SMG6: variants seen among roughly 807,000 people sequenced by gnomAD.
SMG6 encodes telomerase-binding protein EST1A.
Under a neutral mutation model 142.2 loss-of-function variants are expected in SMG6, and 66 were observed. The ratio of observed to expected loss-of-function variants is 0.46; its 90% CI spans 0.38 to 0.57. The LOEUF (loss-of-function observed/expected upper bound fraction) is 0.57, where lower values mean the gene tolerates loss of function less well. SMG6 is among the 20% of genes least tolerant of loss of function. The probability of loss-of-function intolerance (pLI) is 0.00; values close to 1 mark genes in which losing one functional copy is unlikely to be tolerated. For missense variants in SMG6, 1,793 were observed against 1,832.0 expected (o/e 0.98, Z 0.39); for synonymous variants, 779 against 702.4 (o/e 1.11, Z -1.72).
In SMG6 at chr17:2,085,944, A is replaced by C; in HGVS notation, c.3358-43T>G. On this transcript the variant is annotated intron_variant, in intron 13 of 18. Coordinates refer to ENST00000263073, the MANE Select transcript of SMG6 (RefSeq NM_017575.5). This position sits in a 1 kb window ranked among gnomAD's most constrained non-coding sequence, Gnocchi z 4.1. ...GAGAAGAAAAACAGCATTTTCTGAA[A>C]GGGAAGATGGAGACGAGATGTTGCT... 6.3e-7 allele frequency: 1 copy of C among 1,595,826 alleles called. No individual in the cohort carries two copies. Among genetic ancestry groups the C allele is most frequent in the Non-Finnish European group, 8.6e-7 (1 of 1,164,326 alleles).
chr17:2,079,478 C>CA (rs66730682), intron 15 of SMG6, among the ~76,000 whole-genome samples: 1 of 151,304 alleles, frequency 6.6e-6, no homozygotes, highest in Non-Finnish European at 1.5e-5. Context: ...ACGAAAAATA[C>CA]AAAAAAAATT....
At chr17:2,086,028 G>A (rs2068551903) in intron 13 of SMG6, 127 bp from the exon 14 acceptor site, 1 of 949,632 alleles carries the variant, frequency 1.1e-6, no homozygotes, top group Non-Finnish European at 1.7e-6. Flanking sequence ...GGGTCAGAAT[G>A]AATGACGGGG....
chr17:2,223,337 G>T (rs547059542), intron 10 of SMG6, among the ~76,000 whole-genome samples: 7 of 152,166 alleles, frequency 4.6e-5, no homozygotes, highest in Admixed American at 1.3e-4. Context: ...GATCACACGC[G>T]CATATTTTCT....
At chr17:2,248,299 G>C (rs1731887187) in intron 8 of SMG6, among the ~76,000 whole-genome samples, 1 of 152,022 alleles carries the variant, frequency 6.6e-6, no homozygotes, top group Admixed American at 6.6e-5. Context: ...AAAAGAACTG[G>C]TGAGCTGATT....
At chr17:2,248,331 A>G (rs879559534) in intron 8 of SMG6, among the ~76,000 whole-genome samples, 12 of 152,154 alleles carry the variant, frequency 7.9e-5, no homozygotes, top group Admixed American at 6.5e-5. Context: ...TAACGAGGGA[A>G]TAAGAGCAAC....
At chr17:2,065,715 G>A (rs1160694189) in intron 16 of SMG6, 36 bp from the exon 17 acceptor site, 1 of 1,558,972 alleles carries the variant, frequency 6.4e-7, no homozygotes, top group East Asian at 2.3e-5. Flanking sequence ...ATCAGCCTCA[G>A]CAATCAGCTT....
intron 12 of SMG6, among the ~76,000 whole-genome samples, chr17:2,178,137 CTGTT>C (rs2071701642): frequency 6.6e-6 from 1 of 152,216 alleles, no homozygotes. Flanking sequence ...CATGCCAACT[CTGTT>C]TGCATTGGGC....
intron 13 of SMG6, among the ~76,000 whole-genome samples, chr17:2,167,795 G>A (rs2071386926): frequency 6.6e-6 from 1 of 152,210 alleles, no homozygotes; most frequent in Non-Finnish European, 1.5e-5. Context: ...TGCCACTGAT[G>A]AGCACTGGAG....
chr17:2,113,790 TCATGAAA>T (rs1376394608), intron 13 of SMG6, among the ~76,000 whole-genome samples: 1 of 152,164 alleles, frequency 6.6e-6, no homozygotes, highest in Non-Finnish European at 1.5e-5. Flanking sequence ...AGGAGCATCT[TCATGAAA>T]TCACTAAATT....
intron 13 of SMG6, among the ~76,000 whole-genome samples, chr17:2,094,077 G>A (rs1162462950): frequency 6.6e-6 from 1 of 152,174 alleles, no homozygotes; most frequent in Non-Finnish European, 1.5e-5. Context: ...AATCTAGAGA[G>A]GCTCCAAGGT....
Position 2,167,131 on chromosome 17 carries a change from C to CAAAAA in SMG6, c.3357+5522_3357+5526dup, listed in dbSNP as rs57898779. 2.4e-3 allele frequency among the ~76,000 whole-genome samples: 85 copies of CAAAAA among 35,706 alleles called. 11 individuals are homozygous for CAAAAA. Among genetic ancestry groups the CAAAAA allele is most frequent in the African/African-American group, 0.011 (72 of 6,454 alleles). The allele number at this position is 35,706 out of a possible 152,430, so 23.4% of individuals were successfully genotyped here. A position where few individuals can be genotyped will look rare whatever the true frequency, so the allele number is the denominator to read the frequency against. On this transcript the variant is annotated intron_variant, in intron 13 of 18. Transcript: ENST00000263073. The stretch of plus-strand genomic sequence containing the variant: ...TGGGCGACAGAGTAGGACTCCATCT[C>CAAAAA]AAAAAAAAAAAAAAAAAAAAAAAAA...
intron 13 of SMG6, among the ~76,000 whole-genome samples, chr17:2,169,173 G>A (rs1320408331): frequency 2.0e-5 from 3 of 151,952 alleles, no homozygotes; most frequent in African/African-American, 7.2e-5. Flanking sequence ...GGAGGCTGAG[G>A]CAACAGAATC....
intron 8 of SMG6, among the ~76,000 whole-genome samples, chr17:2,261,307 C>A (rs2074307933): frequency 7.7e-6 from 1 of 129,756 alleles, no homozygotes; most frequent in African/African-American, 3.4e-5. Flanking sequence ...GAGCGAGACT[C>A]CGTCTCAAAA....
chr17:2,286,340 T>C (rs2074904894), intron 6 of SMG6, among the ~76,000 whole-genome samples: 1 of 145,442 alleles, frequency 6.9e-6, no homozygotes, highest in Admixed American at 6.9e-5. Context: ...GTTAGGGGAC[T>C]CACATTTCCC....
intron 10 of SMG6, among the ~76,000 whole-genome samples, chr17:2,227,251 G>A (rs568568523): frequency 1.3e-5 from 2 of 152,222 alleles, no homozygotes; most frequent in South Asian, 2.1e-4. Context: ...ATGAAAACAC[G>A]TCCACAAAAT....
intron 12 of SMG6, among the ~76,000 whole-genome samples, chr17:2,183,056 T>A (rs1327619463): frequency 1.3e-5 from 2 of 152,082 alleles, no homozygotes; most frequent in African/African-American, 4.8e-5. Flanking sequence ...ATGCCCCATC[T>A]CTATTTAAAA....
At chr17:2,249,847 G>A (rs1206022778) in intron 8 of SMG6, among the ~76,000 whole-genome samples, 1 of 152,134 alleles carries the variant, frequency 6.6e-6, no homozygotes, top group Non-Finnish European at 1.5e-5. Flanking sequence ...ATTCACTGTG[G>A]ACTCCTGAGC....
chr17:2,291,835 C>G (rs565636572), intron 6 of SMG6, among the ~76,000 whole-genome samples: 4 of 133,584 alleles, frequency 3.0e-5, no homozygotes, highest in Non-Finnish European at 6.2e-5. Flanking sequence ...GGTGACAGAG[C>G]AAGACCCTGC....
At chr17:2,177,173 G>C (rs1196023184) in intron 12 of SMG6, among the ~76,000 whole-genome samples, 2 of 152,148 alleles carry the variant, frequency 1.3e-5, no homozygotes, top group African/African-American at 4.8e-5. Context: ...GCTCTCAGAG[G>C]GGCCATGGGT....
Sources: gnomAD v4.1 joint callset for allele counts (sites outside exome capture counted in the v4.1 genomes callset) on GRCh38, gnomAD v4.1.1 for gene constraint, Gnocchi (gnomAD v3.1) non-coding constraint, MANE v1.5 for transcripts, NCBI Gene and HGNC (gene_info 2026-07-23, HGNC 2026-07-21) for gene names.